Variants in FYB1 observed in about 807,000 individuals in gnomAD.
FYB1 encodes the protein FYN-binding protein 1.
A neutral mutation model predicts 94.1 loss-of-function variants in FYB1; 41 were observed. The observed-to-expected ratio is 0.44, with a 90% confidence interval of 0.34 to 0.57. The LOEUF (loss-of-function observed/expected upper bound fraction) is 0.57. FYB1 is among the 20% of genes least tolerant of loss of function. The pLI is 0.02. For synonymous variants in FYB1, 367 were observed against 353.2 expected (o/e 1.04, Z -0.44); for missense variants, 1,050 against 976.8 (o/e 1.07, Z -1.00).
At position 39,110,334 on chromosome 5, in the gene FYB1, T is replaced by C. The variant is rs116956380; in HGVS notation, c.2435+22A>G. ...CACAAAATTCTTTTCACAAGCATAG[T>C]AGTAGAAGAAAATGGGCTTACTTGT... On this transcript the variant is annotated intron_variant, in intron 17 of 18. Transcript: ENST00000512982. 2.1e-4 allele frequency: 325 copies of C among 1,542,246 alleles called. 4 individuals carry two copies. The East Asian group carries it at 6.3e-3, about 30-fold the overall frequency.
Position 39,202,778 on chromosome 5 carries a change from C to T in FYB1, c.183G>A (p.Lys61=), listed in dbSNP as rs1315642003. The part of the protein sequence containing the change: ...PSNVPKFGSP[K]PPVAVKPSSE... ...AAGAAGGTTTGACTGCCACAGGTGG[C>T]TTTGGGGACCCAAACTTAGGTACAT... Residue 61 remains lysine, a synonymous_variant, in exon 2 of 19, where the codon AAG becomes AAA. Coordinates refer to ENST00000512982, the MANE Select transcript of FYB1 (RefSeq NM_001465.6). The T allele has an allele frequency of 1.9e-6, 3 of 1,613,800 alleles. No individual in the cohort carries two copies. In the East Asian group the frequency reaches 6.7e-5, roughly 36 times the overall value.
At chr5:39,253,596 T>C (rs1051041279) in intron 1 of FYB1, among the ~76,000 whole-genome samples, 4 of 152,134 alleles carry the variant, frequency 2.6e-5, no homozygotes, top group Non-Finnish European at 4.4e-5. Flanking sequence ...GTTACACAGG[T>C]AAATGTGTGT....
rs536414943 is a variant in FYB1, at chr5:39,175,665, G to A, written c.1136-22061C>T. Among the ~76,000 whole-genome samples, 3 of 152,320 alleles carry A rather than the reference G, an allele frequency of 2.0e-5. No individual in the cohort carries two copies. In the South Asian group the frequency reaches 6.2e-4, roughly 32 times the overall value. On this transcript the variant is annotated intron_variant, in intron 2 of 18. Transcript: ENST00000512982. ...TAAACTGCAGGCTCCTAACTACCCA[G>A]TATTCTTCCTGGCCACTCCTTAAAG...
intron 1 of FYB1, among the ~76,000 whole-genome samples, chr5:39,259,641 A>G (rs1473820054): frequency 6.6e-6 from 1 of 152,258 alleles, no homozygotes; most frequent in Non-Finnish European, 1.5e-5. Context: ...AGTTATATCA[A>G]TTAAATTAAA....
chr5:39,130,906 A>G (rs1348826613), intron 9 of FYB1, among the ~76,000 whole-genome samples: 1 of 152,158 alleles, frequency 6.6e-6, no homozygotes, highest in African/African-American at 2.4e-5. Flanking sequence ...TTGTTTTCAG[A>G]TGATACATTA....
intron 1 of FYB1, among the ~76,000 whole-genome samples, chr5:39,204,004 T>C (rs901931599): frequency 2.6e-5 from 4 of 152,168 alleles, no homozygotes; most frequent in African/African-American, 9.7e-5. Context: ...ATCACTGAAG[T>C]TAACCAATGT....
At chr5:39,135,459 A>T (rs1741602978) in intron 7 of FYB1, among the ~76,000 whole-genome samples, 1 of 152,252 alleles carries the variant, frequency 6.6e-6, no homozygotes. Context: ...ACAAGATAAC[A>T]TTTCAGAAAT....
At chr5:39,138,277 T>C (rs7712546) in intron 6 of FYB1, 46,584 of 174,698 alleles carry the variant, frequency 0.27, 6,794 homozygotes, top group African/African-American at 0.39. Flanking sequence ...CCTCTGGGCG[T>C]CATGATAAAT....
chr5:39,267,519 T>C (rs747821014), intron 1 of FYB1, among the ~76,000 whole-genome samples: 3 of 152,160 alleles, frequency 2.0e-5, no homozygotes, highest in Non-Finnish European at 4.4e-5. Flanking sequence ...GTTGACTGTA[T>C]CTGATCTCTT....
intron 18 of FYB1, 78 bp from the exon 19 acceptor site, chr5:39,107,543 T>C: frequency 2.1e-6 from 2 of 930,266 alleles, no homozygotes; most frequent in East Asian, 5.7e-5. Context: ...GAAATGTGGG[T>C]GATTCATACT....
In FYB1 at chr5:39,134,309, A is replaced by G. The variant is rs1439283262; in HGVS notation, c.1716T>C (p.Asp572=). The G allele has an allele frequency of 6.2e-7, 1 of 1,611,856 alleles. No individual in the cohort carries two copies. The highest frequency in any genetic ancestry group is 1.7e-5 in the Admixed American group (1 of 59,996). Residue 572 remains aspartate (D), a synonymous_variant, in exon 9 of 19, where the codon GAT becomes GAC. Coordinates refer to ENST00000512982, the MANE Select transcript of FYB1 (RefSeq NM_001465.6). ...IKTTAVEIDY[D]SLKLKKDSLG... ...GAGAGTCTTTTTTCAGTTTCAAAGA[A>G]TCATAGTCAATCTCTACAGCAGTTG...
chr5:39,134,767 T>A (rs1210467992), intron 8 of FYB1, 88 bp downstream of exon 8: 1 of 1,389,626 alleles, frequency 7.2e-7, no homozygotes, highest in Non-Finnish European at 1.0e-6. Flanking sequence ...CCTAACTCGA[T>A]GCCTATGACG....
intron 1 of FYB1, among the ~76,000 whole-genome samples, chr5:39,244,771 G>A (rs1751391781): frequency 6.6e-6 from 1 of 152,004 alleles, no homozygotes; most frequent in African/African-American, 2.4e-5. Context: ...GTCTGGTCCT[G>A]GACTTTTTTT....
At chr5:39,235,915 A>G (rs1458008617) in intron 1 of FYB1, among the ~76,000 whole-genome samples, 1 of 152,102 alleles carries the variant, frequency 6.6e-6, no homozygotes, top group Non-Finnish European at 1.5e-5. Context: ...TATGGTAGCC[A>G]CTGACCACAT....
intron 2 of FYB1, among the ~76,000 whole-genome samples, chr5:39,200,317 G>A (rs1240635028): frequency 3.9e-5 from 6 of 152,126 alleles, no homozygotes; most frequent in Non-Finnish European, 7.4e-5. Context: ...GCGTGACACC[G>A]GGCAACATGT....
At position 39,106,784 on chromosome 5, in the gene FYB1, G is replaced by C. The variant is rs1760401915; in HGVS notation, c.*659C>G. ...AGAACTTGTTTTAGACTCTTCTACA[G>C]TTTAGACTTCAATGTGCATACTAAA... On this transcript the variant is annotated 3_prime_UTR_variant, in exon 19 of 19. Transcript: ENST00000512982. 1 of 152,032 alleles carries C rather than the reference G, an allele frequency of 6.6e-6. No homozygotes were observed. Among genetic ancestry groups the C allele is most frequent in the Non-Finnish European group, 1.5e-5 (1 of 67,932 alleles). 9.4% of individuals were successfully genotyped at this position (152,032 alleles called of 1,614,324 possible).
At chr5:39,228,451 AC>A (rs1335234433) in intron 1 of FYB1, among the ~76,000 whole-genome samples, 3 of 152,128 alleles carry the variant, frequency 2.0e-5, no homozygotes, top group Non-Finnish European at 2.9e-5. Flanking sequence ...AAATGTGTCT[AC>A]CCCTCATGGG....
chr5:39,183,716 G>A (rs1225859405), intron 2 of FYB1, among the ~76,000 whole-genome samples: 1 of 151,978 alleles, frequency 6.6e-6, no homozygotes, highest in Admixed American at 6.6e-5. Context: ...AATCAAAAAG[G>A]CATTTGCCAC....
chr5:39,236,956 C>G (rs2150580384), intron 1 of FYB1, among the ~76,000 whole-genome samples: 1 of 152,258 alleles, frequency 6.6e-6, no homozygotes, highest in South Asian at 2.1e-4. Context: ...TGACTATTCA[C>G]TACTGCCACC....
Sources: allele counts gnomAD v4.1 joint callset (sites outside exome capture counted in the v4.1 genomes callset), GRCh38; gene constraint gnomAD v4.1.1; transcripts MANE v1.5; gene names NCBI Gene and HGNC (gene_info 2026-07-23, HGNC 2026-07-21).